The following PRDM16 variants were observed in gnomAD, a reference collection of about 807,000 sequenced individuals.
PRDM16 encodes the protein histone-lysine N-methyltransferase PRDM16.
Under a neutral mutation model 110.6 loss-of-function variants are expected in PRDM16, and 23 were observed. The observed-to-expected ratio is 0.21, with a 90% CI of 0.15 to 0.29. The LOEUF is 0.29. PRDM16 is among the 10% of genes least tolerant of loss of function. The pLI, the probability that PRDM16 is intolerant of heterozygous loss-of-function variation, is 1.00. For missense variants in PRDM16, 1,615 were observed against 1,794.3 expected, an observed-to-expected ratio of 0.90 and a Z score of 1.81; for synonymous variants, 799 against 781.8, an observed-to-expected ratio of 1.02 and a Z score of -0.37.
intron 16 of PRDM16, among the ~76,000 whole-genome samples, chr1:3,433,199 G>T (rs1569794218): frequency 2.6e-5 from 4 of 152,368 alleles, no homozygotes; most frequent in South Asian, 4.1e-4. Flanking sequence ...TGCACAGGAG[G>T]CCCTGCACCA....
chr1:3,080,423 C>T lies in PRDM16; in HGVS notation c.37+11127C>T, dbSNP rs1013761173. 6.6e-6 allele frequency among the ~76,000 whole-genome samples: 1 copy of T among 152,162 alleles called. No individual in the cohort carries two copies. Among genetic ancestry groups the T allele is most frequent in the African/African-American group, 2.4e-5 (1 of 41,444 alleles). ...GTTTCTCTACCCCGGCCCATCCAGC[C>T]ATCCTTTTCTTTAATGAAACAGCCC... On this transcript the variant is annotated intron_variant, in intron 1 of 16. Coordinates refer to ENST00000270722, the MANE Select transcript of PRDM16 (RefSeq NM_022114.4). This position sits in a 1 kb window ranked among gnomAD's most constrained non-coding sequence, Gnocchi z 5.2.
Position 3,435,372 on chromosome 1 carries a change from G to A in PRDM16, c.*1561G>A, listed in dbSNP as rs148630445. ...AAACCGTGTGATAAGGTTGTGTGTC[G>A]TGTGGGAGTGGGGCGATTTTTTATG... On this transcript the variant is annotated 3_prime_UTR_variant, in exon 17 of 17. Coordinates refer to ENST00000270722, the MANE Select transcript of PRDM16 (RefSeq NM_022114.4). 1.3e-4 allele frequency: 30 copies of A among 230,626 alleles called. No homozygotes were observed. The highest frequency in any genetic ancestry group is 6.4e-4 in the African/African-American group (29 of 45,266). 14.3% of individuals were successfully genotyped at this position (230,626 alleles called of 1,614,324 possible).
chr1:3,189,232 C>T (rs1336179598), intron 2 of PRDM16, among the ~76,000 whole-genome samples: 2 of 152,224 alleles, frequency 1.3e-5, no homozygotes, highest in Non-Finnish European at 2.9e-5. Context: ...GAGTCCCCTT[C>T]CCAAGCCACT....
chr1:3,310,359 G>A (rs576173752), intron 3 of PRDM16, among the ~76,000 whole-genome samples: 4 of 152,196 alleles, frequency 2.6e-5, no homozygotes, highest in East Asian at 1.9e-4. Flanking sequence ...AAAGCGACCC[G>A]GTCACCGCCC....
chr1:3,074,478 G>C (rs1052988667), intron 1 of PRDM16, among the ~76,000 whole-genome samples: 1 of 152,090 alleles, frequency 6.6e-6, no homozygotes, highest in Non-Finnish European at 1.5e-5. Flanking sequence ...CAAGGCCAAT[G>C]CTCAACTTGT....
chr1:3,190,988 C>A lies in PRDM16; in HGVS notation c.387+4514C>A, dbSNP rs1005570649. ...AGCTTGGGGCCTGCTGGGGCGGGATCCCGCAGGACCCCCAGGGGAGGCACT... is the reference window on the plus strand; with the variant it reads ...AGCTTGGGGCCTGCTGGGGCGGGATACCGCAGGACCCCCAGGGGAGGCACT... On this transcript the variant is annotated intron_variant, in intron 2 of 16. Transcript: ENST00000270722. This position sits in a 1 kb window ranked among gnomAD's most constrained non-coding sequence, Gnocchi z 5.0. 6.6e-6 allele frequency among the ~76,000 whole-genome samples: 1 copy of A among 152,074 alleles called. No individual in the cohort carries two copies. Among genetic ancestry groups the A allele is most frequent in the Non-Finnish European group, 1.5e-5 (1 of 68,006 alleles).
At chr1:3,088,448 A>ATTAT (rs1553122533) in intron 1 of PRDM16, among the ~76,000 whole-genome samples, 4,139 of 146,080 alleles carry the variant, frequency 0.028, 116 homozygotes, top group African/African-American at 0.072. Context: ...GGATTCTTTT[A>ATTAT]TTATTTATTT....
intron 1 of PRDM16, among the ~76,000 whole-genome samples, chr1:3,173,473 T>A (rs1644051448): frequency 6.6e-6 from 1 of 152,198 alleles, no homozygotes; most frequent in Non-Finnish European, 1.5e-5. Context: ...TAGGGCCAGG[T>A]GGCCTGAGCT....
intron 3 of PRDM16, among the ~76,000 whole-genome samples, chr1:3,332,820 TC>T (rs2100492118): frequency 6.6e-6 from 1 of 151,666 alleles, no homozygotes; most frequent in East Asian, 2.0e-4. Context: ...TGCTGACCCA[TC>T]CCTGTTCGGC....
chr1:3,262,757 G>A (rs1247622260), intron 3 of PRDM16, among the ~76,000 whole-genome samples: 3 of 152,216 alleles, frequency 2.0e-5, no homozygotes, highest in East Asian at 1.9e-4. Flanking sequence ...AAACATGAGG[G>A]TGTGCGAGCA....
At chr1:3,315,246 C>T (rs1476267175) in intron 3 of PRDM16, among the ~76,000 whole-genome samples, 1 of 147,048 alleles carries the variant, frequency 6.8e-6, no homozygotes, top group Non-Finnish European at 1.5e-5. Flanking sequence ...ACGTCTACAG[C>T]GCAACTCCAC....
intron 1 of PRDM16, among the ~76,000 whole-genome samples, chr1:3,125,672 T>G (rs1053454001): frequency 2.0e-5 from 3 of 152,254 alleles, no homozygotes; most frequent in Admixed American, 6.5e-5. Context: ...CATCCCTCAG[T>G]GGCTCTCCCA....
At chr1:3,200,406 T>G (rs1400390172) in intron 2 of PRDM16, among the ~76,000 whole-genome samples, 2 of 152,174 alleles carry the variant, frequency 1.3e-5, no homozygotes, top group African/African-American at 4.8e-5. Flanking sequence ...GCAATGGTGC[T>G]ATCTCCGCTC....
At chr1:3,301,817 T>C (rs575177377) in intron 3 of PRDM16, among the ~76,000 whole-genome samples, 1 of 152,362 alleles carries the variant, frequency 6.6e-6, no homozygotes, top group South Asian at 2.1e-4. Context: ...TGTGTTTTCC[T>C]GTGTGCTCCA....
chr1:3,074,335 C>T (rs892577802), intron 1 of PRDM16, among the ~76,000 whole-genome samples: 1 of 152,174 alleles, frequency 6.6e-6, no homozygotes, highest in African/African-American at 2.4e-5. Context: ...GGAATGAAGA[C>T]CTCCAGGGCT....
Position 3,380,027 on chromosome 1 carries a change from C to A in PRDM16, c.439-5125C>A. Among the ~76,000 whole-genome samples, 2 of 143,750 alleles carry A rather than the reference C, an allele frequency of 1.4e-5. 1 individual carries two copies. Among genetic ancestry groups the A allele is most frequent in the African/African-American group, 5.3e-5 (2 of 37,764 alleles). The allele number at this position is 143,750 out of a possible 152,430, so 94.3% of individuals were successfully genotyped here. ...ACACCCCTCCCAGTGCAATCCCTCA[C>A]CATGCACCCCTCCCAACACATTCAT... is the stretch of plus-strand genomic sequence containing the variant. On this transcript the variant is annotated intron_variant, in intron 3 of 16. Coordinates refer to ENST00000270722, the MANE Select transcript of PRDM16 (RefSeq NM_022114.4).
intron 1 of PRDM16, among the ~76,000 whole-genome samples, chr1:3,092,123 CT>C (rs200726697): frequency 6.6e-6 from 1 of 151,418 alleles, no homozygotes. Context: ...CTGCTGCATG[CT>C]TGGTGTTACC....
intron 3 of PRDM16, among the ~76,000 whole-genome samples, chr1:3,293,242 G>GT (rs1318326194): frequency 6.6e-6 from 1 of 152,254 alleles, no homozygotes; most frequent in Non-Finnish European, 1.5e-5. Context: ...GGGGCCCTCA[G>GT]TGAAGCCTAC....
Position 3,426,230 on chromosome 1 carries a change from G to C in PRDM16, c.3284+5G>C. 6.2e-7 allele frequency: 1 copy of C among 1,611,896 alleles called. No individual in the cohort carries two copies. Among genetic ancestry groups the C allele is most frequent in the Non-Finnish European group, 8.5e-7 (1 of 1,178,390 alleles). Reference sequence around the variant, plus strand: ...ATCAACGCGAACAGAGAAACGGTAAGAAAACTATCGCGGGCTGGGGAAAGT... The same window carrying C: ...ATCAACGCGAACAGAGAAACGGTAACAAAACTATCGCGGGCTGGGGAAAGT... On this transcript the variant is annotated splice_donor_5th_base_variant and intron_variant, in intron 14 of 16. Coordinates refer to ENST00000270722, the MANE Select transcript of PRDM16 (RefSeq NM_022114.4).
Sources: gnomAD v4.1 joint callset for allele counts (sites outside exome capture counted in the v4.1 genomes callset) on GRCh38, gnomAD v4.1.1 for gene constraint, Gnocchi (gnomAD v3.1) non-coding constraint, MANE v1.5 for transcripts, NCBI Gene and HGNC (gene_info 2026-07-23, HGNC 2026-07-21) for gene names.